Variants in CNTN3 observed in about 807,000 individuals in gnomAD.
CNTN3 encodes contactin-3.
Under a neutral mutation model 119.1 loss-of-function variants are expected in CNTN3, and 60 were observed. That is an observed-to-expected ratio of 0.50 (90% CI 0.41 to 0.62). The LOEUF (loss-of-function observed/expected upper bound fraction) is 0.62. Ranked by LOEUF, CNTN3 falls within the 20% of genes least tolerant of loss-of-function variation. CNTN3 has a pLI of 0.00. For missense variants in CNTN3, 1,101 were observed against 1,242.4 expected (o/e 0.89, Z 1.71); for synonymous variants, 450 against 438.7 (o/e 1.03, Z -0.32).
chr3:74,482,722 T>A (rs999492404), intron 4 of CNTN3, among the ~76,000 whole-genome samples: 10 of 152,054 alleles, frequency 6.6e-5, no homozygotes, highest in Non-Finnish European at 1.0e-4. Flanking sequence ...AATTGAACAA[T>A]TAGAGAGAAC....
intron 13 of CNTN3, among the ~76,000 whole-genome samples, chr3:74,324,744 A>C (rs572167908): frequency 3.2e-4 from 49 of 152,296 alleles, no homozygotes; most frequent in Admixed American, 3.2e-3. Flanking sequence ...AAAACTAATG[A>C]AAATTCTTAG....
At chr3:74,325,289 G>C (rs974928721) in intron 13 of CNTN3, among the ~76,000 whole-genome samples, 1 of 152,120 alleles carries the variant, frequency 6.6e-6, no homozygotes, top group Non-Finnish European at 1.5e-5. Flanking sequence ...ATAAAAGGTA[G>C]TTTTTTCTTG....
At chr3:74,444,873 A>T (rs1702023713) in intron 4 of CNTN3, among the ~76,000 whole-genome samples, 1 of 152,196 alleles carries the variant, frequency 6.6e-6, no homozygotes, top group South Asian at 2.1e-4. Context: ...CAAATGAATA[A>T]GATTAGAAAA....
At chr3:74,595,641 C>T (rs555091855) in intron 1 of CNTN3, among the ~76,000 whole-genome samples, 4 of 152,178 alleles carry the variant, frequency 2.6e-5, no homozygotes, top group South Asian at 4.2e-4. Flanking sequence ...ATTCAACAAC[C>T]CTTCTTGCTA....
chr3:74,289,070 G>C (rs1477285127), intron 19 of CNTN3, among the ~76,000 whole-genome samples: 1 of 152,046 alleles, frequency 6.6e-6, no homozygotes, highest in African/African-American at 2.4e-5. Context: ...GCCAAACTGG[G>C]GAAACTGCAA....
At chr3:74,561,181 A>AT (rs1559658574) in intron 1 of CNTN3, among the ~76,000 whole-genome samples, 7 of 151,424 alleles carry the variant, frequency 4.6e-5, no homozygotes. Flanking sequence ...ATAATAAAAA[A>AT]AAAATAAAAA....
At chr3:74,445,906 G>A (rs1702041133) in intron 4 of CNTN3, among the ~76,000 whole-genome samples, 2 of 152,190 alleles carry the variant, frequency 1.3e-5, no homozygotes, top group African/African-American at 4.8e-5. Context: ...CACAGGTTGT[G>A]CACTGCACAA....
intron 4 of CNTN3, among the ~76,000 whole-genome samples, chr3:74,436,415 A>T (rs545188531): frequency 6.6e-6 from 1 of 152,284 alleles, no homozygotes; most frequent in Non-Finnish European, 1.5e-5. Flanking sequence ...CAATCTAAGC[A>T]GTACGATCCA....
At chr3:74,597,292 T>C (rs1045358795) in intron 1 of CNTN3, among the ~76,000 whole-genome samples, 1 of 152,032 alleles carries the variant, frequency 6.6e-6, no homozygotes, top group Non-Finnish European at 1.5e-5. Context: ...TATTAAACCT[T>C]TTCACATGAT....
chr3:74,382,319 A>T (rs1207379767), intron 5 of CNTN3, among the ~76,000 whole-genome samples: 8 of 152,204 alleles, frequency 5.3e-5, no homozygotes, highest in Admixed American at 5.2e-4. Flanking sequence ...AAAATGCTTA[A>T]ATCAAGTTAA....
chr3:74,606,981 A>G (rs948902836), intron 1 of CNTN3, among the ~76,000 whole-genome samples: 34 of 152,286 alleles, frequency 2.2e-4, no homozygotes, highest in East Asian at 1.4e-3. Flanking sequence ...ATGTACTCCA[A>G]TGAATAAAAG....
chr3:74,454,757 T>A (rs1033350091), intron 4 of CNTN3, among the ~76,000 whole-genome samples: 1 of 152,140 alleles, frequency 6.6e-6, no homozygotes, highest in Non-Finnish European at 1.5e-5. Flanking sequence ...ATTTTATTTC[T>A]CCTTCACTTA....
At chr3:74,486,745 T>C in intron 3 of CNTN3, 114 bp from the exon 4 acceptor site, 1 of 853,096 alleles carries the variant, frequency 1.2e-6, no homozygotes, top group South Asian at 2.2e-5. Flanking sequence ...GTGATACATA[T>C]ATTATTCAAG....
At chr3:74,522,835 A>C (rs1703562671) in intron 1 of CNTN3, among the ~76,000 whole-genome samples, 1 of 151,876 alleles carries the variant, frequency 6.6e-6, no homozygotes, top group Non-Finnish European at 1.5e-5. Context: ...TGGTGTGTGC[A>C]CTGGAGTGAT....
intron 1 of CNTN3, among the ~76,000 whole-genome samples, chr3:74,590,664 G>T (rs1236189659): frequency 6.6e-6 from 1 of 152,052 alleles, no homozygotes; most frequent in Non-Finnish European, 1.5e-5. Context: ...GCTTTCAAGT[G>T]ATGGTCATAT....
intron 11 of CNTN3, among the ~76,000 whole-genome samples, chr3:74,344,390 C>A (rs1478167841): frequency 7.9e-6 from 1 of 127,064 alleles, no homozygotes; most frequent in Non-Finnish European, 1.6e-5. Context: ...TACAACCTTA[C>A]ACAGTGGTTT....
At chr3:74,537,088 T>C (rs2107142623) in intron 1 of CNTN3, among the ~76,000 whole-genome samples, 1 of 152,096 alleles carries the variant, frequency 6.6e-6, no homozygotes, top group East Asian at 1.9e-4. Flanking sequence ...GAATACATAC[T>C]CTTATGGAGG....
chr3:74,611,746 T>G (rs1006457770), intron 1 of CNTN3, among the ~76,000 whole-genome samples: 1 of 152,206 alleles, frequency 6.6e-6, no homozygotes, highest in Non-Finnish European at 1.5e-5. Flanking sequence ...TAAAAGTATA[T>G]GCATATGCAT....
chr3:74,374,417 T>C (rs1457574802), intron 5 of CNTN3, among the ~76,000 whole-genome samples: 1 of 152,112 alleles, frequency 6.6e-6, no homozygotes, highest in African/African-American at 2.4e-5. Flanking sequence ...CTCCTCTGTA[T>C]TTAAAATTTC....
Sources: allele counts gnomAD v4.1 joint callset (sites outside exome capture counted in the v4.1 genomes callset), GRCh38; gene constraint gnomAD v4.1.1; transcripts MANE v1.5; gene names NCBI Gene and HGNC (gene_info 2026-07-23, HGNC 2026-07-21).